The following CFAP45 variants were observed in gnomAD, a reference collection of about 807,000 sequenced individuals.
CFAP45 encodes the protein cilia- and flagella-associated protein 45.
A neutral mutation model predicts 75.6 loss-of-function variants in CFAP45; 43 were observed. The ratio of observed to expected loss-of-function variants is 0.57; its 90% CI spans 0.45 to 0.73. CFAP45 has a LOEUF of 0.73. Among genes scored for constraint, CFAP45 ranks in the 30% least tolerant of loss-of-function variants. CFAP45 has a pLI of 0.00. For missense variants in CFAP45, 689 were observed against 701.5 expected (o/e 0.98, Z 0.20); for synonymous variants, 223 against 244.6 (o/e 0.91, Z 0.82).
intron 7 of CFAP45, among the ~76,000 whole-genome samples, chr1:159,881,175 C>T (rs1408995043): frequency 2.6e-5 from 4 of 152,178 alleles, no homozygotes; most frequent in Non-Finnish European, 5.9e-5. Flanking sequence ...TCTCTAATAC[C>T]TAAATATGTC....
rs1649699203 is a variant in CFAP45, at chr1:159,886,801, G to A, written c.589-112C>T. 7 of 802,446 alleles carry A rather than the reference G, an allele frequency of 8.7e-6. No individual in the cohort carries two copies. In the South Asian group the frequency reaches 1.1e-4, roughly 13 times the overall value. The allele number at this position is 802,446 out of a possible 1,614,324, so 49.7% of individuals were successfully genotyped here. On this transcript the variant is annotated intron_variant, in intron 5 of 11. Coordinates refer to ENST00000368099, the MANE Select transcript of CFAP45 (RefSeq NM_012337.3). ...GAGCATGCTGGAGGTGTGCATGACTGCTCACAAGTCCGGGGAAATAAGAAT... is the reference window on the plus strand; with the variant it reads ...GAGCATGCTGGAGGTGTGCATGACTACTCACAAGTCCGGGGAAATAAGAAT...
chr1:159,881,219 C>A (rs1410569946), intron 7 of CFAP45, among the ~76,000 whole-genome samples: 1 of 152,238 alleles, frequency 6.6e-6, no homozygotes, highest in Non-Finnish European at 1.5e-5. Context: ...GCCTTGTTAT[C>A]TCTCTTGCTC....
intron 2 of CFAP45, among the ~76,000 whole-genome samples, chr1:159,892,935 A>G (rs1439125684): frequency 6.6e-6 from 1 of 152,186 alleles, no homozygotes; most frequent in Admixed American, 6.5e-5. Flanking sequence ...TTTTGACATT[A>G]TAACAGATTT....
intron 6 of CFAP45, 135 bp from the exon 7 acceptor site, chr1:159,884,700 T>G: frequency 1.1e-6 from 1 of 898,862 alleles, no homozygotes; most frequent in Non-Finnish European, 1.7e-6. Flanking sequence ...AACATGAATA[T>G]GCTTCATGAG....
intron 1 of CFAP45, among the ~76,000 whole-genome samples, chr1:159,899,490 C>A (rs1349676306): frequency 9.0e-6 from 1 of 111,562 alleles, no homozygotes; most frequent in African/African-American, 3.5e-5. Context: ...TTTTTTGAGA[C>A]GGAGTCTCGC....
intron 4 of CFAP45, 128 bp from the exon 5 acceptor site, chr1:159,888,139 G>T (rs1479961923): frequency 8.7e-7 from 1 of 1,154,812 alleles, no homozygotes; most frequent in East Asian, 2.5e-5. Flanking sequence ...GAGCCAAGAA[G>T]TTCCACAGCC....
intron 11 of CFAP45, 125 bp from the exon 12 acceptor site, chr1:159,872,688 T>A: frequency 1.1e-6 from 1 of 875,406 alleles, no homozygotes; most frequent in Non-Finnish European, 1.8e-6. Context: ...GCTCTCACAA[T>A]CCACCCCCGA....
chr1:159,883,080 T>C (rs1328197716), intron 7 of CFAP45, among the ~76,000 whole-genome samples: 2 of 152,172 alleles, frequency 1.3e-5, no homozygotes, highest in Non-Finnish European at 2.9e-5. Context: ...CACGTCCCCC[T>C]GTCACTCACC....
chr1:159,875,770 C>T (rs1439856948), intron 10 of CFAP45, among the ~76,000 whole-genome samples: 3 of 152,108 alleles, frequency 2.0e-5, no homozygotes, highest in African/African-American at 7.2e-5. Flanking sequence ...GGAGAACAGC[C>T]CCAGGGACCA....
intron 2 of CFAP45, among the ~76,000 whole-genome samples, chr1:159,892,846 C>T (rs535111130): frequency 6.6e-6 from 1 of 152,358 alleles, no homozygotes; most frequent in South Asian, 2.1e-4. Flanking sequence ...TGTCTGCAAG[C>T]TTAGCCCATC....
intron 7 of CFAP45, among the ~76,000 whole-genome samples, chr1:159,882,566 G>A (rs556443160): frequency 5.3e-5 from 8 of 151,968 alleles, no homozygotes; most frequent in South Asian, 2.1e-4. Flanking sequence ...GCTGCCCTTC[G>A]TACCACCATG....
At chr1:159,887,262 T>C (rs896344738) in intron 5 of CFAP45, among the ~76,000 whole-genome samples, 102 of 152,208 alleles carry the variant, frequency 6.7e-4, no homozygotes, top group African/African-American at 2.4e-3. Context: ...GAGGCATACA[T>C]AGAGAAGATT....
intron 3 of CFAP45, 128 bp from the exon 4 acceptor site, chr1:159,888,624 C>T: frequency 2.4e-6 from 2 of 835,578 alleles, no homozygotes; most frequent in Non-Finnish European, 3.7e-6. Flanking sequence ...GAAGAGACGG[C>T]AAGTGTGCCA....
intron 2 of CFAP45, among the ~76,000 whole-genome samples, chr1:159,891,714 T>C (rs1199427731): frequency 6.6e-6 from 1 of 152,202 alleles, no homozygotes; most frequent in Non-Finnish European, 1.5e-5. Flanking sequence ...TGTGTGCTGC[T>C]GCCACCTGGT....
chr1:159,872,889 G>T, intron 11 of CFAP45, 55 bp downstream of exon 11: 1 of 1,525,918 alleles, frequency 6.6e-7, no homozygotes, highest in Non-Finnish European at 9.1e-7. Flanking sequence ...AGCCTGTGGT[G>T]CCATCTCTTT....
At chr1:159,890,425 T>G (rs1313173337) in intron 3 of CFAP45, 55 bp downstream of exon 3, 1 of 1,582,890 alleles carries the variant, frequency 6.3e-7, no homozygotes, top group Non-Finnish European at 8.7e-7. Flanking sequence ...CCTACAAAGA[T>G]CCTTAGCAAA....
intron 6 of CFAP45, 81 bp from the exon 7 acceptor site, chr1:159,884,646 C>A (rs1171532948): frequency 7.1e-7 from 1 of 1,409,966 alleles, no homozygotes; most frequent in Admixed American, 2.0e-5. Flanking sequence ...AAACAACCCC[C>A]AAGATGGGTG....
Position 159,873,013 on chromosome 1 carries a change from AG to A in CFAP45, c.1507del (p.Leu503SerfsTer23). The A allele has an allele frequency of 6.2e-7, 1 of 1,614,154 alleles. No homozygotes were observed. The highest frequency in any genetic ancestry group is 8.5e-7 in the Non-Finnish European group (1 of 1,180,030). On this transcript the variant is annotated frameshift_variant, in exon 11 of 12. Transcript: ENST00000368099. LOFTEE classifies it high-confidence loss of function. ...ACGGCGTTTCTGGGCCTCCTCTTTG[AG>A]GCGCCGGCCCTCCTCAAAGGTGGCA... Reference protein sequence around the residue: ...RIATFEEGRRLKEEAQKRRER... With the variant: ...RIATFEEGRRXKEEAQKRRER...
intron 2 of CFAP45, 43 bp from the exon 3 acceptor site, chr1:159,890,665 C>T (rs758932085): frequency 3.7e-6 from 6 of 1,601,754 alleles, no homozygotes; most frequent in Non-Finnish European, 5.1e-6. Context: ...GTCACCCCCA[C>T]TTCCTGCTGG....
Sources: allele counts gnomAD v4.1 joint callset (sites outside exome capture counted in the v4.1 genomes callset), GRCh38; gene constraint gnomAD v4.1.1; transcripts MANE v1.5; gene names NCBI Gene and HGNC (gene_info 2026-07-23, HGNC 2026-07-21).